The following KMT5B variants were observed in gnomAD, a reference collection of about 807,000 sequenced individuals.
KMT5B encodes histone-lysine N-methyltransferase KMT5B.
Under a neutral mutation model 83.2 loss-of-function variants are expected in KMT5B, and 10 were observed. That is an observed-to-expected ratio of 0.12 (90% CI 0.07 to 0.20). The LOEUF (loss-of-function observed/expected upper bound fraction) is 0.20, where lower values mean the gene tolerates loss of function less well. KMT5B is among the 10% of genes least tolerant of loss of function. KMT5B has a pLI of 1.00. For missense variants in KMT5B, 753 were observed against 1,067.2 expected (o/e 0.71, Z 4.10); for synonymous variants, 349 against 388.8 (o/e 0.90, Z 1.20).
At position 68,173,806 on chromosome 11, in the gene KMT5B, C is replaced by T; in HGVS notation, c.651G>A (p.Glu217=). The T allele has an allele frequency of 6.4e-7, 1 of 1,573,106 alleles. No homozygotes were observed. Among genetic ancestry groups the T allele is most frequent in the Non-Finnish European group, 8.7e-7 (1 of 1,148,934 alleles). Residue 217 remains glutamate, a splice_region_variant and synonymous_variant, in exon 6 of 11, where the codon GAG becomes GAA. Coordinates refer to ENST00000304363, the MANE Select transcript of KMT5B (RefSeq NM_017635.5). ...QNGAKIVATK[E]WKRNDKIELL... ...GCTTATACTAGTAGAATAGTTACCA[C>T]TCTTTTGTTGCAACTATTTTGGCTC...
intron 3 of KMT5B, among the ~76,000 whole-genome samples, chr11:68,184,234 C>T (rs1445164710): frequency 6.6e-6 from 1 of 151,832 alleles, no homozygotes; most frequent in Non-Finnish European, 1.5e-5. Context: ...TAGCTGGGTG[C>T]AGTGGTGCAC....
At chr11:68,194,037 G>A in intron 1 of KMT5B, among the ~76,000 whole-genome samples, 1 of 152,070 alleles carries the variant, frequency 6.6e-6, no homozygotes, top group African/African-American at 2.4e-5. Flanking sequence ...TCCATTGGGA[G>A]CCTTGGATCT....
At chr11:68,208,172 G>A (rs1860405916) in intron 1 of KMT5B, among the ~76,000 whole-genome samples, 1 of 151,292 alleles carries the variant, frequency 6.6e-6, no homozygotes, top group South Asian at 2.1e-4. Flanking sequence ...GCCCAAGCCA[G>A]GCACGGTGGC....
chr11:68,164,789 C>A (rs1855166911), intron 10 of KMT5B: 1 of 456,444 alleles, frequency 2.2e-6, no homozygotes, highest in African/African-American at 2.0e-5. Context: ...ATTATTCAGT[C>A]CCTCTGAACT....
In KMT5B at chr11:68,199,812, T is replaced by C. The variant is rs540557503; in HGVS notation, c.-76-9660A>G. Among the ~76,000 whole-genome samples the C allele has an allele frequency of 2.0e-5, 3 of 152,276 alleles. No individual in the cohort carries two copies. In the South Asian group the frequency reaches 6.2e-4, roughly 32 times the overall value. On this transcript the variant is annotated intron_variant, in intron 1 of 10. Coordinates refer to ENST00000304363, the MANE Select transcript of KMT5B (RefSeq NM_017635.5). The stretch of plus-strand genomic sequence containing the variant: ...GCAAGAAGTGGTTGGCTTCGAGATC[T>C]TTTCTGAAGGTTCCGCTGATAGTCG...
rs1591021370 is a variant in KMT5B, at chr11:68,190,220, C to T, written c.-76-68G>A. The T allele has an allele frequency of 4.2e-6, 3 of 706,532 alleles. No individual in the cohort carries two copies. In the East Asian group the frequency reaches 7.6e-5, roughly 18 times the overall value. 43.8% of individuals were successfully genotyped at this position (706,532 alleles called of 1,614,324 possible). A position where few individuals can be genotyped will look rare whatever the true frequency, so the allele number is the denominator to read the frequency against. ...TAAATACATGAAAGATCATGCTAAA[C>T]AGACCCTTGAGAAAGATATATAATA... On this transcript the variant is annotated intron_variant, in intron 1 of 10. Coordinates refer to ENST00000304363, the MANE Select transcript of KMT5B (RefSeq NM_017635.5).
At position 68,203,157 on chromosome 11, in the gene KMT5B, GGA is replaced by G. The variant is rs529275456; in HGVS notation, c.-77+9979_-77+9980del. Among the ~76,000 whole-genome samples, 5 of 151,846 alleles carry G rather than the reference GGA, an allele frequency of 3.3e-5. No homozygotes were observed. The East Asian group carries it at 9.8e-4, about 30-fold the overall frequency. ...CACCCAGCTAATTTTTGTATTTTTA[GGA>G]GAGACGAGGTTTCACCATGTTGGTC... On this transcript the variant is annotated intron_variant, in intron 1 of 10. Transcript: ENST00000304363.
At chr11:68,165,675 C>T (rs1006886032) in intron 10 of KMT5B, 1 of 1,292,010 alleles carries the variant, frequency 7.7e-7, no homozygotes. Context: ...ATGGGCTTCA[C>T]AAGTCTCCAG....
intron 1 of KMT5B, among the ~76,000 whole-genome samples, chr11:68,198,619 C>A (rs1284729053): frequency 2.6e-5 from 4 of 152,120 alleles, no homozygotes; most frequent in Non-Finnish European, 5.9e-5. Flanking sequence ...TCCCCATGGT[C>A]ACGGTTTGGC....
In KMT5B at chr11:68,190,106, T is replaced by G. The variant is rs368367017; in HGVS notation, c.-30A>C. 1 of 1,606,270 alleles carries G rather than the reference T, an allele frequency of 6.2e-7. No individual in the cohort carries two copies. The highest frequency in any genetic ancestry group is 2.2e-5 in the East Asian group (1 of 44,708). ...ACAGACAGCCTGACCCAGGTGCATTTAGTCACTCTCTTCAAATAGCTTAGA... is the reference window on the plus strand; with the variant it reads ...ACAGACAGCCTGACCCAGGTGCATTGAGTCACTCTCTTCAAATAGCTTAGA... On this transcript the variant is annotated 5_prime_UTR_variant, in exon 2 of 11. Transcript: ENST00000304363.
At chr11:68,168,765 T>C (rs1308277973) in intron 9 of KMT5B, among the ~76,000 whole-genome samples, 2 of 152,244 alleles carry the variant, frequency 1.3e-5, no homozygotes, top group African/African-American at 4.8e-5. Flanking sequence ...ACTCAGTGTC[T>C]CTGCACACGT....
intron 2 of KMT5B, among the ~76,000 whole-genome samples, chr11:68,187,628 T>C (rs1311697367): frequency 6.6e-6 from 1 of 152,232 alleles, no homozygotes; most frequent in African/African-American, 2.4e-5. Context: ...AATGCTGCAC[T>C]TGCACTTGAG....
intron 1 of KMT5B, among the ~76,000 whole-genome samples, chr11:68,205,855 C>T (rs1048451732): frequency 1.3e-5 from 2 of 152,102 alleles, no homozygotes; most frequent in South Asian, 4.2e-4. Flanking sequence ...CTCCTGACCT[C>T]GAGATCCACC....
intron 10 of KMT5B, among the ~76,000 whole-genome samples, chr11:68,164,128 C>A (rs1855093641): frequency 6.6e-6 from 1 of 152,224 alleles, no homozygotes; most frequent in South Asian, 2.1e-4. Flanking sequence ...GACCTGTGGA[C>A]TGGATTTGTG....
chr11:68,183,119 C>G (rs1268629750), intron 3 of KMT5B, among the ~76,000 whole-genome samples: 1 of 151,814 alleles, frequency 6.6e-6, no homozygotes, highest in East Asian at 1.9e-4. Context: ...CTTGATGACC[C>G]CAGGTCAAGA....
chr11:68,165,805 A>G (rs1484766325), intron 10 of KMT5B: 1 of 1,580,228 alleles, frequency 6.3e-7, no homozygotes, highest in East Asian at 2.3e-5. Context: ...CATTAACGAA[A>G]AAGACTGGAA....
intron 10 of KMT5B, among the ~76,000 whole-genome samples, chr11:68,160,183 T>C (rs1207438458): frequency 6.6e-6 from 1 of 152,242 alleles, no homozygotes; most frequent in East Asian, 1.9e-4. Flanking sequence ...GTGGATCGAA[T>C]AGACGTGCTG....
In KMT5B at chr11:68,179,630, G is replaced by A. The variant is rs963494824; in HGVS notation, c.377+502C>T. 9.6e-6 allele frequency: 12 copies of A among 1,248,076 alleles called. No individual in the cohort carries two copies. The African/African-American group carries it at 1.2e-4, about 13-fold the overall frequency. 77.3% of individuals were successfully genotyped at this position (1,248,076 alleles called of 1,614,324 possible). A position where few individuals can be genotyped will look rare whatever the true frequency, so the allele number is the denominator to read the frequency against. ...ATCAAGAGCTGACTGGAGGGGTGGG[G>A]AACAGGAAGGGGAACAGAAAAAAGG... On this transcript the variant is annotated intron_variant, in intron 4 of 10. Coordinates refer to ENST00000304363, the MANE Select transcript of KMT5B (RefSeq NM_017635.5).
chr11:68,188,886 C>T (rs139688586), intron 2 of KMT5B, among the ~76,000 whole-genome samples: 24 of 152,244 alleles, frequency 1.6e-4, no homozygotes, highest in African/African-American at 5.5e-4. Context: ...TGCCAGCAGC[C>T]TCAGGAGTGA....
Sources: allele counts gnomAD v4.1 joint callset (sites outside exome capture counted in the v4.1 genomes callset), GRCh38; gene constraint gnomAD v4.1.1; transcripts MANE v1.5; gene names NCBI Gene and HGNC (gene_info 2026-07-23, HGNC 2026-07-21).